The following DENND2B variants were observed in gnomAD, a reference collection of about 807,000 sequenced individuals.
DENND2B encodes the protein DENN domain-containing protein 2B.
DENND2B carries 32 observed loss-of-function variants against 116.0 expected under a neutral mutation model. That is an observed-to-expected ratio of 0.28 (90% CI 0.21 to 0.37). DENND2B has a LOEUF of 0.37. Among genes scored for constraint, DENND2B ranks in the 10% least tolerant of loss-of-function variants. DENND2B has a pLI of 1.00. For synonymous variants in DENND2B, 588 were observed against 583.9 expected, an observed-to-expected ratio of 1.01 and a Z score of -0.10; for missense variants, 1,276 against 1,477.7, an observed-to-expected ratio of 0.86 and a Z score of 2.24.
intron 1 of DENND2B, among the ~76,000 whole-genome samples, chr11:8,775,873 G>A (rs1038456041): frequency 6.6e-6 from 1 of 152,076 alleles, no homozygotes; most frequent in Admixed American, 6.5e-5. Context: ...CAGTATTATT[G>A]TATGACAAGC....
chr11:8,721,962 TAATTC>T (rs993249818), intron 4 of DENND2B, among the ~76,000 whole-genome samples: 1 of 152,198 alleles, frequency 6.6e-6, no homozygotes, highest in African/African-American at 2.4e-5. Context: ...CCACTCCACA[TAATTC>T]CTTAACAAGC....
At chr11:8,756,438 C>T (rs1212880916) in intron 1 of DENND2B, among the ~76,000 whole-genome samples, 1 of 152,166 alleles carries the variant, frequency 6.6e-6, no homozygotes, top group Non-Finnish European at 1.5e-5. Flanking sequence ...GACAGGGACC[C>T]TTAGTCACAT....
intron 17 of DENND2B, 125 bp downstream of exon 17, chr11:8,697,400 G>A (rs1483057582): frequency 2.8e-6 from 2 of 707,998 alleles, no homozygotes; most frequent in Non-Finnish European, 4.9e-6. Context: ...GCTAGAGTGA[G>A]ACCAAGGTCC....
intron 1 of DENND2B, chr11:8,766,762 G>A (rs1416225498): frequency 3.5e-6 from 4 of 1,127,636 alleles, no homozygotes; most frequent in Admixed American, 4.7e-5. Context: ...GATGTCACAG[G>A]ACTCAACTTT....
upstream of DENND2B, among the ~76,000 whole-genome samples, chr11:8,875,648 C>CA (rs2069113867): frequency 6.6e-6 from 1 of 151,890 alleles, no homozygotes; most frequent in Admixed American, 6.6e-5. Context: ...AGGCTGGTCT[C>CA]AAACTCCTGG....
chr11:8,871,833 GA>G (rs2063786442), upstream of DENND2B, among the ~76,000 whole-genome samples: 1 of 152,206 alleles, frequency 6.6e-6, no homozygotes, highest in African/African-American at 2.4e-5. Flanking sequence ...AGTGGAATTT[GA>G]AGGAAATCAT....
chr11:8,890,606 G>A (rs1274277675), intron 1 of DENND2B, among the ~76,000 whole-genome samples: 1 of 152,322 alleles, frequency 6.6e-6, no homozygotes, highest in East Asian at 1.9e-4. Context: ...ACAAGCTTCA[G>A]TAGCCAATTC....
In DENND2B at chr11:8,730,782, CTGA is replaced by C. The variant is rs2047992871; in HGVS notation, c.505_507del (p.Ser169del). On this transcript the variant is annotated inframe_deletion, in exon 3 of 20. Coordinates refer to ENST00000313726, the MANE Select transcript of DENND2B (RefSeq NM_213618.2). The surrounding 1 kb of genome is among the most constrained non-coding windows in gnomAD (Gnocchi z 4.1). ...GACGCCTCTCGGCGACCTTCCCATGCTGATATCTTCTCCCGGATGCCCAGGCTG... is the reference window on the plus strand; with the variant it reads ...GACGCCTCTCGGCGACCTTCCCATGCTATCTTCTCCCGGATGCCCAGGCTG... 1.9e-6 allele frequency: 3 copies of C among 1,612,988 alleles called. No individual in the cohort carries two copies. The highest frequency in any genetic ancestry group is 2.5e-6 in the Non-Finnish European group (3 of 1,179,986).
intron 3 of DENND2B, among the ~76,000 whole-genome samples, chr11:8,726,916 T>G (rs2047172795): frequency 6.6e-6 from 1 of 152,248 alleles, no homozygotes; most frequent in Admixed American, 6.5e-5. Flanking sequence ...GAGGACAATT[T>G]GCAGCCAGAA....
At position 8,730,891 on chromosome 11, in the gene DENND2B, G is replaced by C. The variant is rs775968360; in HGVS notation, c.399C>G (p.Pro133=). The change falls in exon 3 of 20, where the codon CCC becomes CCG. Residue 133 remains proline (P), a synonymous_variant. Transcript: ENST00000313726. The surrounding 1 kb of genome is among the most constrained non-coding windows in gnomAD (Gnocchi z 4.1). ...CCGGGAATGGCGTGCTCTGGGCAAGGGGGAGGCAGGCAGCGACCCCTGCTA... is the reference window on the plus strand; with the variant it reads ...CCGGGAATGGCGTGCTCTGGGCAAGCGGGAGGCAGGCAGCGACCCCTGCTA... The part of the protein sequence containing the change: ...QDVAGVAACL[P]LAQSTPFPGP... 6.2e-7 allele frequency: 1 copy of C among 1,614,018 alleles called. No homozygotes were observed. Among genetic ancestry groups the C allele is most frequent in the Admixed American group, 1.7e-5 (1 of 60,034 alleles).
At chr11:8,841,137 G>A (rs1174606516) in intron 3 of DENND2B, among the ~76,000 whole-genome samples, 1 of 152,078 alleles carries the variant, frequency 6.6e-6, no homozygotes, top group Non-Finnish European at 1.5e-5. Context: ...TAGACAAGTG[G>A]AAGGTTCTTT....
At chr11:8,810,680 A>AG, upstream of DENND2B, 1 of 152,288 alleles carries the variant, frequency 6.6e-6, no homozygotes, top group Admixed American at 6.5e-5. Context: ...AAGTGAGCAG[A>AG]GCACTGCTAG....
At chr11:8,779,474 C>T (rs563985478) in intron 1 of DENND2B, among the ~76,000 whole-genome samples, 6 of 151,390 alleles carry the variant, frequency 4.0e-5, no homozygotes, top group East Asian at 1.9e-4. Context: ...AAAGCATGCT[C>T]GGGGTTTCCT....
At chr11:8,870,901 C>A (rs912707850) in intron 2 of DENND2B, 1 of 151,912 alleles carries the variant, frequency 6.6e-6, no homozygotes, top group Non-Finnish European at 1.5e-5. Context: ...AGGGCAGGGG[C>A]GGGACCGGGC....
At chr11:8,796,795 G>A (rs965373354) in intron 1 of DENND2B, among the ~76,000 whole-genome samples, 5 of 152,136 alleles carry the variant, frequency 3.3e-5, no homozygotes, top group African/African-American at 1.2e-4. Flanking sequence ...TACTTATGGA[G>A]CGTTAAGGAG....
At chr11:8,793,446 C>G (rs2059556577) in intron 1 of DENND2B, among the ~76,000 whole-genome samples, 1 of 152,148 alleles carries the variant, frequency 6.6e-6, no homozygotes, top group African/African-American at 2.4e-5. Context: ...AATATTTGTG[C>G]TTTTATATAC....
At chr11:8,862,879 C>T (rs1032801900) in intron 2 of DENND2B, among the ~76,000 whole-genome samples, 3 of 152,134 alleles carry the variant, frequency 2.0e-5, no homozygotes, top group Non-Finnish European at 4.4e-5. Context: ...ATGTAGGCGA[C>T]TCAAATGTAG....
chr11:8,708,048 T>G lies in DENND2B; in HGVS notation c.2353-194A>C. On this transcript the variant is annotated intron_variant, in intron 11 of 19. Coordinates refer to ENST00000313726, the MANE Select transcript of DENND2B (RefSeq NM_213618.2). ...CACCACTCTCAGGACAGGCCTCAGC[T>G]CTGCAGGGTCTCCCAGCACCAGGTA... 8 of 1,503,954 alleles carry G rather than the reference T, an allele frequency of 5.3e-6. No individual in the cohort carries two copies. In the South Asian group the frequency reaches 9.8e-5, roughly 18 times the overall value. 93.2% of individuals were successfully genotyped at this position (1,503,954 alleles called of 1,614,324 possible).
At chr11:8,811,759 G>T (rs929602870), upstream of DENND2B, among the ~76,000 whole-genome samples, 21 of 152,032 alleles carry the variant, frequency 1.4e-4, no homozygotes, top group Non-Finnish European at 2.8e-4. Context: ...TTAGAGACAG[G>T]ATCTTGCTCC....
Sources: allele counts gnomAD v4.1 joint callset (sites outside exome capture counted in the v4.1 genomes callset), GRCh38; gene constraint gnomAD v4.1.1; non-coding constraint Gnocchi (gnomAD v3.1); transcripts MANE v1.5; gene names NCBI Gene and HGNC (gene_info 2026-07-23, HGNC 2026-07-21).